ZNF91: variants seen among roughly 807,000 people sequenced by gnomAD.
ZNF91 encodes zinc finger protein 91, also known as zinc finger protein 91 (HPF7, HTF10).
Under a neutral mutation model 12.6 loss-of-function variants are expected in ZNF91, and 7 were observed. The observed-to-expected ratio is 0.55, with a 90% CI of 0.31 to 1.04. The LOEUF (loss-of-function observed/expected upper bound fraction) is 1.04, where lower values mean the gene tolerates loss of function less well. ZNF91 is among the 50% of genes least tolerant of loss of function. The pLI is 0.05. For missense variants in ZNF91, 1,217 were observed against 1,385.4 expected, an observed-to-expected ratio of 0.88 and a Z score of 1.93; for synonymous variants, 453 against 462.6, an observed-to-expected ratio of 0.98 and a Z score of 0.27.
Position 23,360,337 on chromosome 19 carries a change from G to C in ZNF91, c.2642C>G (p.Pro881Arg). Residue 881 changes from proline (P) to arginine (R), a missense_variant, in exon 4 of 4, where the codon CCT becomes CGT. Physicochemically the swap from Pro to Arg is moderately radical, Grantham distance 103 (BLOSUM62 -2). Around this residue, in one of 2 missense-constraint regions of ZNF91, gnomAD observed 491 missense variants for 489.8 expected, o/e 1.00. Transcript: ENST00000300619. ...THKIIHTKEK[P>R]SKSEECDKAF... ...TTTGTCACATTCTTCACTCTTGGAA[G>C]GTTTCTCTTTAGTATGAATTATCTT... The C allele has an allele frequency of 6.2e-7, 1 of 1,613,982 alleles. No homozygotes were observed. Among genetic ancestry groups the C allele is most frequent in the Non-Finnish European group, 8.5e-7 (1 of 1,179,976 alleles).
intron 1 of ZNF91, among the ~76,000 whole-genome samples, chr19:23,389,347 T>C (rs144336688): frequency 1.3e-5 from 2 of 150,394 alleles, no homozygotes; most frequent in East Asian, 2.0e-4. Flanking sequence ...GCAGATTCAG[T>C]GTCTGGAGGT....
chr19:23,317,465 T>C (rs1967591010), intron 1 of ZNF91, among the ~76,000 whole-genome samples: 1 of 152,054 alleles, frequency 6.6e-6, no homozygotes, highest in Non-Finnish European at 1.5e-5. Context: ...TAAACATGGG[T>C]CCACACCAGC....
intron 3 of ZNF91, among the ~76,000 whole-genome samples, chr19:23,344,853 T>C (rs113282825): frequency 7.2e-4 from 109 of 152,288 alleles, no homozygotes; most frequent in African/African-American, 2.5e-3. Flanking sequence ...GCAGGAACAG[T>C]TGGCAGGAAG....
At chr19:23,312,083 A>G (rs1324210467), upstream of ZNF91, among the ~76,000 whole-genome samples, 2 of 151,996 alleles carry the variant, frequency 1.3e-5, no homozygotes, top group Non-Finnish European at 2.9e-5. Flanking sequence ...TCCCTGGCTG[A>G]AAACACAGGT....
intron 1 of ZNF91, among the ~76,000 whole-genome samples, chr19:23,381,462 CTTT>C (rs201511156): frequency 8.0e-5 from 11 of 137,714 alleles, no homozygotes; most frequent in Non-Finnish European, 1.1e-4. Flanking sequence ...TTTTCTTTCT[CTTT>C]TTTTTTTTTT....
At chr19:23,385,734 T>C (rs74823414) in intron 1 of ZNF91, among the ~76,000 whole-genome samples, 1,836 of 152,316 alleles carry the variant, frequency 0.012, 33 homozygotes, top group African/African-American at 0.042. Context: ...CTTTTCTATA[T>C]ATTGCTTGGG....
In ZNF91 at chr19:23,359,515, A is replaced by G. The variant is rs192654262; in HGVS notation, c.3464T>C (p.Ile1155Thr). 218 of 1,613,594 alleles carry G rather than the reference A, an allele frequency of 1.4e-4. 1 individual carries two copies. Among genetic ancestry groups the G allele is most frequent in the East Asian group, 1.3e-4 (6 of 44,824 alleles). ...TGGGATTACAGGTGTGATAGTATGA[A>G]TTTTCTTATGGTTAGTAAGGATTGA... ...QSSILTNHKK[I>T]HTITPVIPLL... The change falls in exon 4 of 4, where the codon ATT (isoleucine) becomes ACT (threonine). Residue 1155 changes from isoleucine (I) to threonine (T), a missense_variant. Physicochemically the swap from Ile to Thr is moderately conservative, Grantham distance 89. This residue lies in a region of ZNF91 where 491 missense variants were observed against 489.8 expected (regional missense o/e 1.00). Coordinates refer to ENST00000300619, the MANE Select transcript of ZNF91 (RefSeq NM_003430.4).
chr19:23,382,875 C>A (rs919110488), intron 1 of ZNF91, among the ~76,000 whole-genome samples: 1 of 152,038 alleles, frequency 6.6e-6, no homozygotes, highest in Admixed American at 6.5e-5. Flanking sequence ...AGCCTACCAA[C>A]CAAATAAAGC....
chr19:23,364,615 CTA>C (rs1968930516), intron 3 of ZNF91, among the ~76,000 whole-genome samples: 2 of 149,686 alleles, frequency 1.3e-5, no homozygotes, highest in African/African-American at 4.9e-5. Context: ...ATAATAATAA[CTA>C]AAAGTACAGA....
intron 3 of ZNF91, among the ~76,000 whole-genome samples, chr19:23,364,675 T>G (rs1568388659): frequency 6.6e-6 from 1 of 151,872 alleles, no homozygotes; most frequent in Non-Finnish European, 1.5e-5. Flanking sequence ...GTTTCTCCCA[T>G]AAAAAAATAT....
chr19:23,315,248 C>T (rs1343169565), upstream of ZNF91, among the ~76,000 whole-genome samples: 2 of 152,180 alleles, frequency 1.3e-5, no homozygotes, highest in Non-Finnish European at 2.9e-5. Flanking sequence ...TGACATATGG[C>T]TGGGTCCAAC....
At position 23,359,442 on chromosome 19, in the gene ZNF91, C is replaced by T. The variant is rs1427000668; in HGVS notation, c.3537G>A (p.Glu1179=). The T allele has an allele frequency of 1.4e-6, 2 of 1,424,100 alleles. No individual in the cohort carries two copies. Among genetic ancestry groups the T allele is most frequent in the East Asian group, 2.3e-5 (1 of 43,664 alleles). 88.2% of individuals were successfully genotyped at this position (1,424,100 alleles called of 1,614,324 possible). The stretch of plus-strand genomic sequence containing the variant: ...GTTTCACTGTGTTAGCCAGGATGGT[C>T]TCCATCTCCTGACCTCGTGATCCGC... ...EAGGSRGQEM[E]TILANTVKPL... The change falls in exon 4 of 4, where the codon GAG becomes GAA. Residue 1179 remains glutamate (E), a synonymous_variant. Transcript: ENST00000300619.
Position 23,389,158 on chromosome 19 carries a change from T to A in ZNF91, c.30+6167A>T, listed in dbSNP as rs73565061. 4.2e-3 allele frequency among the ~76,000 whole-genome samples: 617 copies of A among 146,044 alleles called. 3 individuals carry two copies. Among genetic ancestry groups the A allele is most frequent in the African/African-American group, 0.015 (591 of 40,080 alleles). ...TACCCCTAAACCAAAAATAGAAGTTTAAAAAAAAAAACTCCCTGGGTAGGG... is the reference window on the plus strand; with the variant it reads ...TACCCCTAAACCAAAAATAGAAGTTAAAAAAAAAAAACTCCCTGGGTAGGG... On this transcript the variant is annotated intron_variant, in intron 1 of 3. Transcript: ENST00000300619.
At chr19:23,305,761 C>T (rs1209358192) in intron 3 of ZNF91, among the ~76,000 whole-genome samples, 2 of 152,186 alleles carry the variant, frequency 1.3e-5, no homozygotes, top group African/African-American at 4.8e-5. Flanking sequence ...AGACTGGCCC[C>T]CAGTGGTGCA....
chr19:23,370,719 T>G (rs1969243011), intron 3 of ZNF91, among the ~76,000 whole-genome samples: 1 of 152,156 alleles, frequency 6.6e-6, no homozygotes, highest in Non-Finnish European at 1.5e-5. Flanking sequence ...TTGCCCAGGC[T>G]GGTCTCAAAC....
At chr19:23,368,576 AAC>A (rs1192832358) in intron 3 of ZNF91, among the ~76,000 whole-genome samples, 41 of 134,676 alleles carry the variant, frequency 3.0e-4, no homozygotes, top group African/African-American at 1.0e-3. Flanking sequence ...ATATATATGA[AAC>A]ACATGACATT....
rs752957053 is a variant in ZNF91 at position 23,362,460 on chromosome 19, C to G, written c.519G>C (p.Thr173=). The change falls in exon 4 of 4, where the codon ACG becomes ACC. Residue 173 remains threonine, a synonymous_variant. Transcript: ENST00000300619. Reference sequence around the variant, plus strand: ...AGCATTTCTTTCCAGTATGTCTTATCGTATGTCTGTTTGAATTTAAAAATT... The same window carrying G: ...AGCATTTCTTTCCAGTATGTCTTATGGTATGTCTGTTTGAATTTAAAAATT... ...FYKFLNSNRH[T]IRHTGKKCFK... The G allele has an allele frequency of 6.2e-7, 1 of 1,608,234 alleles. No individual in the cohort carries two copies.
intron 1 of ZNF91, among the ~76,000 whole-genome samples, chr19:23,385,641 T>C (rs1182705341): frequency 1.3e-5 from 2 of 152,112 alleles, no homozygotes; most frequent in African/African-American, 2.4e-5. Flanking sequence ...CATTAGAAAT[T>C]TACAGAACTT....
chr19:23,363,916 C>G (rs1203091258), intron 3 of ZNF91, among the ~76,000 whole-genome samples: 1 of 151,930 alleles, frequency 6.6e-6, no homozygotes, highest in East Asian at 1.9e-4. Context: ...AATAAAGAAG[C>G]TCAACAAACT....
Sources: allele counts gnomAD v4.1 joint callset (sites outside exome capture counted in the v4.1 genomes callset), GRCh38; gene constraint gnomAD v4.1.1; regional missense constraint gnomAD v4.1.1; transcripts MANE v1.5; gene names NCBI Gene and HGNC (gene_info 2026-07-23, HGNC 2026-07-21).